Variants in AFAP1 observed in about 807,000 individuals in gnomAD.
AFAP1 encodes actin filament associated protein 1.
A neutral mutation model predicts 93.9 loss-of-function variants in AFAP1; 75 were observed. The ratio of observed to expected loss-of-function variants is 0.80; its 90% confidence interval spans 0.66 to 0.97. The LOEUF is 0.97. Among genes scored for constraint, AFAP1 ranks in the 50% least tolerant of loss-of-function variants. The pLI, the probability that AFAP1 is intolerant of heterozygous loss-of-function variation, is 0.00. For missense variants in AFAP1, 1,201 were observed against 1,050.8 expected, an observed-to-expected ratio of 1.14 and a Z score of -1.98; for synonymous variants, 517 against 430.7, an observed-to-expected ratio of 1.20 and a Z score of -2.48.
intron 15 of AFAP1, chr4:7,773,648 A>G (rs1329287875): frequency 6.6e-6 from 1 of 152,484 alleles, no homozygotes; most frequent in African/African-American, 2.4e-5. Context: ...CTGCATCTTC[A>G]CTATCCTGCA....
chr4:7,778,773 C>T lies in AFAP1; in HGVS notation c.1886G>A (p.Arg629Lys). 6.2e-7 allele frequency: 1 copy of T among 1,614,126 alleles called. No individual in the cohort carries two copies. The highest frequency in any genetic ancestry group is 8.5e-7 in the Non-Finnish European group (1 of 1,179,954). The change falls in exon 14 of 18, where the codon AGG becomes AAG. Residue 629 changes from arginine to lysine, a missense_variant. By Grantham distance (26) the Arg-to-Lys change is conservative. Transcript: ENST00000420658. The part of the protein sequence containing the change: ...KKADPAAVVK[R>K]TGSNAAQYKY... Reference sequence around the variant, plus strand: ...GATGGTATACTTACTCGAACCCGTCCTTTTCACAACAGCCGCGGGATCCGC... The same window carrying T: ...GATGGTATACTTACTCGAACCCGTCTTTTTCACAACAGCCGCGGGATCCGC...
At chr4:7,828,332 G>A (rs928027509) in intron 6 of AFAP1, among the ~76,000 whole-genome samples, 1 of 152,202 alleles carries the variant, frequency 6.6e-6, no homozygotes, top group African/African-American at 2.4e-5. Flanking sequence ...AAGGAAAGCA[G>A]CATTTTCAAA....
At chr4:7,778,694 C>T (rs1185707377) in intron 14 of AFAP1, 68 bp downstream of exon 14, 2 of 1,500,476 alleles carry the variant, frequency 1.3e-6, no homozygotes, top group African/African-American at 2.8e-5. Flanking sequence ...GGTGGGCAGG[C>T]TCAGACAGGC....
At chr4:7,797,210 A>C (rs1718510603) in intron 10 of AFAP1, among the ~76,000 whole-genome samples, 1 of 152,238 alleles carries the variant, frequency 6.6e-6, no homozygotes. Context: ...TTAGAACGTC[A>C]CCATTTAGAA....
chr4:7,812,504 G>C (rs1320060556), intron 8 of AFAP1, among the ~76,000 whole-genome samples: 7 of 152,186 alleles, frequency 4.6e-5, no homozygotes, highest in Non-Finnish European at 8.8e-5. Flanking sequence ...ATGGGAACAT[G>C]AGGAGAAAAC....
chr4:7,792,177 C>G (rs886495418), intron 11 of AFAP1, among the ~76,000 whole-genome samples: 1 of 152,142 alleles, frequency 6.6e-6, no homozygotes, highest in African/African-American at 2.4e-5. Context: ...GGGACTACAC[C>G]AAAACGCAGC....
In AFAP1 at chr4:7,772,992, A is replaced by T. The variant is rs1342895176; in HGVS notation, c.2081T>A (p.Ile694Asn). The T allele has an allele frequency of 6.2e-7, 1 of 1,610,764 alleles. No homozygotes were observed. The highest frequency in any genetic ancestry group is 8.5e-7 in the Non-Finnish European group (1 of 1,179,922). Residue 694 changes from isoleucine (I) to asparagine (N), a missense_variant, in exon 16 of 18, where the codon ATC becomes AAC. Transcript: ENST00000420658. Reference protein sequence around the residue: ...EVNAGRKPQAILEEKLKQLEE... With the variant: ...EVNAGRKPQANLEEKLKQLEE... The stretch of plus-strand genomic sequence containing the variant: ...CAGCTGCTTCAGCTTCTCCTCCAGG[A>T]TCGCCTGCGGCTTCCTGCCTGGAAT...
intron 1 of AFAP1, among the ~76,000 whole-genome samples, chr4:7,873,917 C>T (rs748334276): frequency 2.0e-5 from 3 of 152,128 alleles, no homozygotes; most frequent in African/African-American, 7.2e-5. Flanking sequence ...ACAACTGATA[C>T]CATTTGTGGC....
At chr4:7,779,514 A>G (rs1311412176) in intron 13 of AFAP1, among the ~76,000 whole-genome samples, 1 of 152,240 alleles carries the variant, frequency 6.6e-6, no homozygotes, top group African/African-American at 2.4e-5. Context: ...ATTTTGCTGA[A>G]GTGACCTTAT....
intron 9 of AFAP1, among the ~76,000 whole-genome samples, chr4:7,804,890 A>G (rs911581957): frequency 6.6e-6 from 1 of 152,192 alleles, no homozygotes; most frequent in Non-Finnish European, 1.5e-5. Context: ...GCTTTCGGAG[A>G]AACCAAATGT....
chr4:7,773,137 C>T (rs2148963083), intron 15 of AFAP1, 127 bp from the exon 16 acceptor site: 1 of 1,401,562 alleles, frequency 7.1e-7, no homozygotes, highest in Non-Finnish European at 9.4e-7. Context: ...GACTTAGGTC[C>T]TCGTTGTGAA....
At chr4:7,874,363 T>C (rs1223803608) in intron 1 of AFAP1, among the ~76,000 whole-genome samples, 3 of 60,696 alleles carry the variant, frequency 4.9e-5, no homozygotes, top group South Asian at 3.8e-4. Flanking sequence ...TTTCTTTTTT[T>C]TTTTTTTTTT....
chr4:7,932,151 C>CT (rs1483751012), intron 1 of AFAP1, among the ~76,000 whole-genome samples: 4 of 151,996 alleles, frequency 2.6e-5, no homozygotes, highest in Non-Finnish European at 5.9e-5. Context: ...GCCACCACGC[C>CT]TGGCCCTAGA....
intron 1 of AFAP1, among the ~76,000 whole-genome samples, chr4:7,927,504 G>C (rs1276331427): frequency 6.6e-6 from 1 of 152,194 alleles, no homozygotes; most frequent in Non-Finnish European, 1.5e-5. Context: ...GACACGTATT[G>C]AACACAGTAA....
chr4:7,924,475 C>T (rs1720618173), intron 1 of AFAP1, among the ~76,000 whole-genome samples: 2 of 152,190 alleles, frequency 1.3e-5, no homozygotes, highest in Admixed American at 6.5e-5. Context: ...CGCCTAGGTA[C>T]TATTGTTGAA....
intron 17 of AFAP1, among the ~76,000 whole-genome samples, chr4:7,764,981 C>T (rs1714351415): frequency 6.6e-6 from 1 of 152,128 alleles, no homozygotes. Flanking sequence ...TGGCGCACAC[C>T]CATAGTCCCA....
chr4:7,893,833 C>T (rs1718614661), intron 1 of AFAP1, among the ~76,000 whole-genome samples: 1 of 152,164 alleles, frequency 6.6e-6, no homozygotes, highest in South Asian at 2.1e-4. Flanking sequence ...GGCCCTAAGC[C>T]ACACTGACTT....
intron 3 of AFAP1, among the ~76,000 whole-genome samples, chr4:7,866,290 G>A (rs940786057): frequency 4.5e-4 from 68 of 152,086 alleles, no homozygotes; most frequent in African/African-American, 1.4e-3. Flanking sequence ...TCTGCGTCCC[G>A]GGCTCAAGTG....
chr4:7,812,423 T>C lies in AFAP1; in HGVS notation c.905-2660A>G, dbSNP rs964897879. ...GATCATAATTAAAACTTGGAATTCCTTGAATACTCCCTGATCAGTTTTTTA... is the reference window on the plus strand; with the variant it reads ...GATCATAATTAAAACTTGGAATTCCCTGAATACTCCCTGATCAGTTTTTTA... On this transcript the variant is annotated intron_variant, in intron 8 of 17. Transcript: ENST00000420658. 2.0e-5 allele frequency among the ~76,000 whole-genome samples: 3 copies of C among 152,084 alleles called. No individual in the cohort carries two copies. The South Asian group carries it at 6.2e-4, about 32-fold the overall frequency.
Sources: allele counts gnomAD v4.1 joint callset (sites outside exome capture counted in the v4.1 genomes callset), GRCh38; gene constraint gnomAD v4.1.1; transcripts MANE v1.5; gene names NCBI Gene and HGNC (gene_info 2026-07-23, HGNC 2026-07-21).